Variants in ADAMTS2 observed in about 807,000 individuals in gnomAD.
The protein encoded by ADAMTS2 is ADAM metallopeptidase with thrombospondin type 1 motif 2.
In ADAMTS2, 50 loss-of-function variants were observed where a neutral mutation model predicts 123.0. The ratio of observed to expected loss-of-function variants is 0.41; its 90% confidence interval spans 0.32 to 0.51. The LOEUF (loss-of-function observed/expected upper bound fraction) is 0.51, where lower values mean the gene tolerates loss of function less well. ADAMTS2 is among the 20% of genes least tolerant of loss of function. ADAMTS2 has a pLI of 0.35. For synonymous variants in ADAMTS2, 678 were observed against 695.4 expected, an observed-to-expected ratio of 0.98 and a Z score of 0.39; for missense variants, 1,494 against 1,705.2, an observed-to-expected ratio of 0.88 and a Z score of 2.18.
At chr5:179,265,596 C>T (rs1271777021) in intron 3 of ADAMTS2, among the ~76,000 whole-genome samples, 1 of 152,218 alleles carries the variant, frequency 6.6e-6, no homozygotes, top group African/African-American at 2.4e-5. Flanking sequence ...GCCAGAGAGC[C>T]AGCCAGGCCC....
chr5:179,116,394 T>G (rs1762660891), intron 21 of ADAMTS2, among the ~76,000 whole-genome samples: 1 of 151,992 alleles, frequency 6.6e-6, no homozygotes. Context: ...GCAATGCCTC[T>G]CTCCTGCCTC....
chr5:179,178,741 T>G (rs1000290533), intron 5 of ADAMTS2, among the ~76,000 whole-genome samples: 1 of 152,252 alleles, frequency 6.6e-6, no homozygotes, highest in Non-Finnish European at 1.5e-5. Context: ...TCCTTATTTT[T>G]GCTTTCCTTA....
chr5:179,186,826 C>A (rs967052824), intron 4 of ADAMTS2, among the ~76,000 whole-genome samples: 1 of 150,904 alleles, frequency 6.6e-6, no homozygotes, highest in African/African-American at 2.4e-5. Flanking sequence ...AACGGTCCCC[C>A]TCGTGTCCTC....
chr5:179,125,043 C>A lies in ADAMTS2; in HGVS notation c.2888G>T (p.Arg963Leu). The stretch of plus-strand genomic sequence containing the variant: ...GCTGCAGGCCCGGCGGCTCTCGGGC[C>A]GGGCGTCATTGCAGTGCTTGGCGTG... ...SVHAKHCNDA[R>L]PESRRACSRE... The change falls in exon 19 of 22, where the codon CGG (arginine) becomes CTG (leucine). Residue 963 changes from arginine to leucine, a missense_variant. Physicochemically the swap from Arg to Leu is moderately radical, Grantham distance 102. Transcript: ENST00000251582. 2 of 1,608,528 alleles carry A rather than the reference C, an allele frequency of 1.2e-6. No homozygotes were observed. The highest frequency in any genetic ancestry group is 1.7e-6 in the Non-Finnish European group (2 of 1,178,808).
intron 3 of ADAMTS2, among the ~76,000 whole-genome samples, chr5:179,244,800 C>T (rs1296829578): frequency 6.6e-6 from 1 of 152,164 alleles, no homozygotes; most frequent in Admixed American, 6.5e-5. Context: ...GAACTTGAAT[C>T]CACCGCAACA....
At chr5:179,304,002 G>C (rs755608692) in intron 2 of ADAMTS2, among the ~76,000 whole-genome samples, 17 of 152,182 alleles carry the variant, frequency 1.1e-4, no homozygotes, top group Non-Finnish European at 2.5e-4. Context: ...GAGTGGGTCT[G>C]ACCCTAAACA....
intron 4 of ADAMTS2, among the ~76,000 whole-genome samples, chr5:179,196,287 ATG>A (rs1350958479): frequency 3.9e-5 from 6 of 152,210 alleles, no homozygotes; most frequent in African/African-American, 1.4e-4. Context: ...TGTACAGAGA[ATG>A]TTCTCGTGCT....
intron 15 of ADAMTS2, among the ~76,000 whole-genome samples, chr5:179,131,899 C>G (rs1025099856): frequency 2.0e-5 from 3 of 152,212 alleles, no homozygotes; most frequent in Non-Finnish European, 2.9e-5. Context: ...CCTGCCTTCC[C>G]GAGGGCAGGG....
At chr5:179,288,536 G>A (rs976524428) in intron 2 of ADAMTS2, among the ~76,000 whole-genome samples, 14 of 152,342 alleles carry the variant, frequency 9.2e-5, no homozygotes, top group African/African-American at 3.1e-4. Flanking sequence ...GGGTGGCTCC[G>A]GGGGAGGGGC....
chr5:179,267,860 G>A lies in ADAMTS2; in HGVS notation c.688+5051C>T, dbSNP rs539907939. Among the ~76,000 whole-genome samples, 20 of 152,294 alleles carry A rather than the reference G, an allele frequency of 1.3e-4. 1 individual carries two copies. Among genetic ancestry groups the A allele is most frequent in the Middle Eastern group, 6.8e-3 (2 of 294 alleles). ...GGCCAGCGTCCTTGTGCCAGGACCT[G>A]TCTCTGTGTCTCCAACCAGGCACTT... On this transcript the variant is annotated intron_variant, in intron 3 of 21. Transcript: ENST00000251582.
chr5:179,138,073 A>G, intron 11 of ADAMTS2, 129 bp from the exon 12 acceptor site: 1 of 1,071,730 alleles, frequency 9.3e-7, no homozygotes, highest in Non-Finnish European at 1.4e-6. Flanking sequence ...CTGCTGAGCA[A>G]AGGGACCTTG....
chr5:179,297,101 T>C (rs1001908223), intron 2 of ADAMTS2, among the ~76,000 whole-genome samples: 2 of 152,098 alleles, frequency 1.3e-5, no homozygotes, highest in Non-Finnish European at 2.9e-5. Context: ...GGCCGCAGCA[T>C]CTGCCATGGT....
chr5:179,299,295 T>TGGGTGAATCACGAGGTCAG (rs1561706678), intron 2 of ADAMTS2, among the ~76,000 whole-genome samples: 1 of 78,046 alleles, frequency 1.3e-5, no homozygotes, highest in Non-Finnish European at 2.7e-5. Flanking sequence ...TTTGGGAGGC[T>TGGGTGAATCACGAGGTCAG]GAGGCGGGCG....
At chr5:179,237,351 G>A (rs534978031) in intron 3 of ADAMTS2, among the ~76,000 whole-genome samples, 2 of 152,324 alleles carry the variant, frequency 1.3e-5, no homozygotes, top group African/African-American at 4.8e-5. Context: ...AAGACAAAGT[G>A]CAAGAAGGTG....
intron 2 of ADAMTS2, among the ~76,000 whole-genome samples, chr5:179,326,120 C>G (rs749841801): frequency 6.6e-6 from 1 of 152,204 alleles, no homozygotes; most frequent in Non-Finnish European, 1.5e-5. Context: ...TTCTCCCATT[C>G]CAGACTGGAA....
chr5:179,161,032 G>T (rs1364205004), intron 5 of ADAMTS2, among the ~76,000 whole-genome samples: 1 of 152,152 alleles, frequency 6.6e-6, no homozygotes, highest in Non-Finnish European at 1.5e-5. Flanking sequence ...AACATACAGC[G>T]TGAGCAGGAA....
Position 179,136,120 on chromosome 5 carries a change from G to A in ADAMTS2, c.1952-78C>T, listed in dbSNP as rs1581145966. On this transcript the variant is annotated intron_variant, in intron 12 of 21. Coordinates refer to ENST00000251582, the MANE Select transcript of ADAMTS2 (RefSeq NM_014244.5). ...TGTGTGCAAAGGAGGCACCAAGCAGGAGAAATTTCCACAAGGGTCCCCACG... is the reference window on the plus strand; with the variant it reads ...TGTGTGCAAAGGAGGCACCAAGCAGAAGAAATTTCCACAAGGGTCCCCACG... 1.9e-6 allele frequency: 3 copies of A among 1,610,854 alleles called. No homozygotes were observed. The East Asian group carries it at 6.7e-5, about 36-fold the overall frequency.
At chr5:179,193,599 C>A (rs1764355536) in intron 4 of ADAMTS2, among the ~76,000 whole-genome samples, 1 of 152,236 alleles carries the variant, frequency 6.6e-6, no homozygotes, top group Non-Finnish European at 1.5e-5. Context: ...AGGAGTTCCA[C>A]ACCCACAGAT....
intron 12 of ADAMTS2, 119 bp from the exon 13 acceptor site, chr5:179,136,161 G>T: frequency 6.9e-7 from 1 of 1,454,788 alleles, no homozygotes; most frequent in Non-Finnish European, 9.6e-7. Context: ...CACCCTCCAG[G>T]GCAGACAGAG....
Sources: allele counts gnomAD v4.1 joint callset (sites outside exome capture counted in the v4.1 genomes callset), GRCh38; gene constraint gnomAD v4.1.1; transcripts MANE v1.5; gene names NCBI Gene and HGNC (gene_info 2026-07-23, HGNC 2026-07-21).